DMD: variants seen among roughly 807,000 people sequenced by gnomAD.
DMD encodes the protein dystrophin, also known as mutant dystrophin.
In DMD, 63 loss-of-function variants were observed where a neutral mutation model predicts 330.1. That is an observed-to-expected ratio of 0.19 (90% CI 0.16 to 0.24). The LOEUF (loss-of-function observed/expected upper bound fraction) is 0.24, where lower values mean the gene tolerates loss of function less well. Ranked by LOEUF, DMD falls within the 10% of genes least tolerant of loss-of-function variation. The probability of loss-of-function intolerance (pLI) is 1.00; values close to 1 mark genes in which losing one functional copy is unlikely to be tolerated. For synonymous variants in DMD, 1,223 were observed against 959.8 expected, an observed-to-expected ratio of 1.27 and a Z score of -5.07; for missense variants, 3,344 against 2,684.1, an observed-to-expected ratio of 1.25 and a Z score of -5.43.
chrX:33,008,830 A>ATATATATACACATATATGTATACGTG (rs2093461111), intron 2 of DMD, among the ~76,000 whole-genome samples: 3 of 61,812 alleles, frequency 4.9e-5, no homozygotes, highest in Admixed American at 1.6e-4. Flanking sequence ...ATGTATACGT[A>ATATATATACACATATATGTATACGTG]TATATATACA....
chrX:32,658,287 A>G (rs1210803954), intron 9 of DMD, among the ~76,000 whole-genome samples: 2 of 111,530 alleles, frequency 1.8e-5, no homozygotes, highest in Non-Finnish European at 3.8e-5. Context: ...ATCTACACTT[A>G]CACTAATTTC....
chrX:32,215,780 T>A (rs1270393298), intron 44 of DMD, among the ~76,000 whole-genome samples: 1 of 111,641 alleles, frequency 9.0e-6, no homozygotes, highest in African/African-American at 3.3e-5. Flanking sequence ...TTAAAATGTA[T>A]CTTCTATATT....
chrX:33,008,745 C>T (rs6653894), intron 2 of DMD, among the ~76,000 whole-genome samples: 6,793 of 96,970 alleles, frequency 0.07, 466 homozygotes, highest in African/African-American at 0.2. Context: ...TATATATATA[C>T]ATCAGATAAG....
chrX:31,400,976 T>C (rs1235541981), intron 60 of DMD, among the ~76,000 whole-genome samples: 1 of 111,987 alleles, frequency 8.9e-6, no homozygotes, highest in Non-Finnish European at 1.9e-5. Flanking sequence ...TCATTTATTA[T>C]AAAGACTTTG....
At chrX:31,472,271 T>A (rs1041440477) in intron 59 of DMD, among the ~76,000 whole-genome samples, 7 of 112,349 alleles carry the variant, frequency 6.2e-5, no homozygotes, top group African/African-American at 1.9e-4. Flanking sequence ...CTGTTCATGT[T>A]GGTTCTATCT....
chrX:31,836,182 T>A (rs987004482), intron 49 of DMD, among the ~76,000 whole-genome samples: 14 of 112,146 alleles, frequency 1.2e-4, no homozygotes, highest in Non-Finnish European at 2.6e-4. Flanking sequence ...CCAGGCCAGC[T>A]TTTTGCCAAA....
At chrX:33,172,998 T>G (rs1475278458) in intron 1 of DMD, among the ~76,000 whole-genome samples, 1 of 111,274 alleles carries the variant, frequency 9.0e-6, no homozygotes, top group Non-Finnish European at 1.9e-5. Flanking sequence ...ACTTAACAAA[T>G]TTTTTTTACA....
chrX:32,616,559 T>C (rs750173010), intron 11 of DMD, among the ~76,000 whole-genome samples: 1 of 110,298 alleles, frequency 9.1e-6, no homozygotes, highest in African/African-American at 3.3e-5. Context: ...CCATCAGTGT[T>C]TTTTGTTTAG....
chrX:32,787,077 A>T (rs943531000), intron 7 of DMD, among the ~76,000 whole-genome samples: 1 of 111,369 alleles, frequency 9.0e-6, no homozygotes, highest in African/African-American at 3.3e-5. Flanking sequence ...AAACCTAGTT[A>T]TACTTTTGCA....
chrX:33,096,264 G>A (rs1007581850), intron 1 of DMD, among the ~76,000 whole-genome samples: 4 of 110,939 alleles, frequency 3.6e-5, no homozygotes, highest in Non-Finnish European at 7.6e-5. Context: ...GTGAGCCACC[G>A]CGCCCGGCCT....
chrX:32,554,256 C>A (rs1603636189), intron 16 of DMD, among the ~76,000 whole-genome samples: 1 of 111,167 alleles, frequency 9.0e-6, no homozygotes, highest in Non-Finnish European at 1.9e-5. Flanking sequence ...AAGAAATAAC[C>A]AAGATCAGAG....
In DMD at chrX:32,518,115, T is replaced by A. The variant is rs1208346420; in HGVS notation, c.2185A>T (p.Thr729Ser). 8.3e-7 allele frequency: 1 copy of A among 1,207,979 alleles called. No homozygotes were observed. Among genetic ancestry groups the A allele is most frequent in the Admixed American group, 2.2e-5 (1 of 45,703 alleles). Residue 729 changes from threonine (T) to serine (S), a missense_variant, in exon 18 of 79, where the codon ACT becomes TCT. Physicochemically the swap from Thr to Ser is moderately conservative, Grantham distance 58. Coordinates refer to ENST00000357033, the MANE Select transcript of DMD (RefSeq NM_004006.3). ...CGAGTAATCCAGCTGTGAAGTTCAG[T>A]TATATCAACATCCAACCTAAGACAG... is the stretch of plus-strand genomic sequence containing the variant. ...EIRKRLDVDI[T>S]ELHSWITRSE...
At chrX:32,487,083 A>G (rs1163303538) in intron 20 of DMD, among the ~76,000 whole-genome samples, 1 of 110,816 alleles carries the variant, frequency 9.0e-6, no homozygotes, top group Non-Finnish European at 1.9e-5. Context: ...ATGGGAGAAA[A>G]TTTTTGCAAC....
chrX:32,483,811 T>A (rs1181753023), intron 21 of DMD, among the ~76,000 whole-genome samples: 1 of 38,975 alleles, frequency 2.6e-5, no homozygotes, highest in Non-Finnish European at 4.7e-5. Context: ...CAAAAACGAC[T>A]CTGAAGTACA....
chrX:32,287,083 T>C (rs1302102863), intron 43 of DMD, among the ~76,000 whole-genome samples: 2 of 110,204 alleles, frequency 1.8e-5, no homozygotes, highest in African/African-American at 3.3e-5. Context: ...TGGGGGAGGG[T>C]AATGCAAAGT....
chrX:32,735,706 T>C (rs2068369711), intron 7 of DMD, among the ~76,000 whole-genome samples: 1 of 111,991 alleles, frequency 8.9e-6, no homozygotes, highest in South Asian at 3.7e-4. Context: ...GAAAACTGGC[T>C]AGCCATATGT....
At chrX:32,893,448 T>C (rs1198975736) in intron 2 of DMD, among the ~76,000 whole-genome samples, 1 of 80,020 alleles carries the variant, frequency 1.2e-5, no homozygotes, top group Admixed American at 1.4e-4. Flanking sequence ...TTTGCAAACA[T>C]GTTTACAAGA....
chrX:31,328,095 T>C (rs991322525), intron 61 of DMD, among the ~76,000 whole-genome samples: 4 of 112,366 alleles, frequency 3.6e-5, no homozygotes, highest in African/African-American at 1.3e-4. Context: ...TTCCCACTTA[T>C]GGATGTACCA....
intron 2 of DMD, among the ~76,000 whole-genome samples, chrX:32,850,807 G>A (rs756369239): frequency 2.2e-4 from 24 of 111,583 alleles, no homozygotes; most frequent in African/African-American, 7.8e-4. Context: ...CACCTATCTG[G>A]AAATCCCTAA....
Sources: allele counts gnomAD v4.1 joint callset (sites outside exome capture counted in the v4.1 genomes callset), GRCh38; gene constraint gnomAD v4.1.1; transcripts MANE v1.5; gene names NCBI Gene and HGNC (gene_info 2026-07-23, HGNC 2026-07-21).